Variants in HIVEP1 observed in about 807,000 individuals in gnomAD.
HIVEP1 encodes the protein zinc finger protein 40.
A neutral mutation model predicts 180.0 loss-of-function variants in HIVEP1; 36 were observed. The ratio of observed to expected loss-of-function variants is 0.20; its 90% CI spans 0.15 to 0.26. HIVEP1 has a LOEUF of 0.26. Among genes scored for constraint, HIVEP1 ranks in the 10% least tolerant of loss-of-function variants. The pLI, the probability that HIVEP1 is intolerant of heterozygous loss-of-function variation, is 1.00. For missense variants in HIVEP1, 3,143 were observed against 3,268.7 expected (o/e 0.96, Z 0.94); for synonymous variants, 1,239 against 1,239.0 (o/e 1.00, Z 0.00).
rs372027061 is a variant in HIVEP1 at position 12,123,192 on chromosome 6, A to G, written c.3397A>G (p.Ile1133Val). ...KIELQRHGTG[I>V]SVIQHTNSLS... ...AGAACTGCAGAGACACGGAACTGGA[A>G]TCTCTGTCATCCAGCACACCAACTC... The change falls in exon 4 of 9, where the codon ATC becomes GTC. Residue 1133 changes from isoleucine (I) to valine (V), a missense_variant. By Grantham distance (29) the Ile-to-Val change is conservative. This residue lies in a region of HIVEP1 where 1,357 missense variants were observed against 1,260.5 expected (regional missense o/e 1.08). Coordinates refer to ENST00000379388, the MANE Select transcript of HIVEP1 (RefSeq NM_002114.4). 9 of 1,614,064 alleles carry G rather than the reference A, an allele frequency of 5.6e-6. No homozygotes were observed. The African/African-American group carries it at 1.1e-4, about 19-fold the overall frequency.
chr6:12,122,289 G>C lies in HIVEP1; in HGVS notation c.2494G>C (p.Asp832His). Residue 832 changes from aspartate to histidine, a missense_variant, in exon 4 of 9, where the codon GAC (aspartate) becomes CAC (histidine). Around this residue, in one of 12 missense-constraint regions of HIVEP1, gnomAD observed 204 missense variants for 243.7 expected, o/e 0.84. Coordinates refer to ENST00000379388, the MANE Select transcript of HIVEP1 (RefSeq NM_002114.4). ...GTTTCTTCTGTCTGTACCTTCACTT[G>C]ACTGTTTACCTATCACAAGAAGTAA... ...QVFLLSVPSL[D>H]CLPITRSNSM... 1 of 1,614,186 alleles carries C rather than the reference G, an allele frequency of 6.2e-7. No homozygotes were observed.
At chr6:12,211,134 T>C in the HIVEP1 span, among the ~76,000 whole-genome samples, 3 of 150,758 alleles carry the variant, frequency 2.0e-5, no homozygotes, top group African/African-American at 4.9e-5. Flanking sequence ...GCGCGGTGGC[T>C]CACGCCTGTG....
intron 2 of HIVEP1, chr6:12,020,456 A>G (rs1414765100): frequency 2.1e-6 from 1 of 471,100 alleles, no homozygotes; most frequent in Non-Finnish European, 4.4e-6. Context: ...TCTCCCAGCC[A>G]TCATTCCTTA....
the HIVEP1 span, among the ~76,000 whole-genome samples, chr6:12,195,165 CATT>C: frequency 1.3e-5 from 2 of 152,318 alleles, no homozygotes; most frequent in African/African-American, 4.8e-5. Flanking sequence ...GTCATGAAAT[CATT>C]GATAGGCTTT....
chr6:12,095,291 G>A, intron 3 of HIVEP1, among the ~76,000 whole-genome samples: 1 of 151,278 alleles, frequency 6.6e-6, no homozygotes, highest in East Asian at 1.9e-4. Context: ...TTTTCTTCAG[G>A]TTTGTTCTGT....
At chr6:12,055,238 G>T (rs564215720) in intron 2 of HIVEP1, among the ~76,000 whole-genome samples, 1 of 152,338 alleles carries the variant, frequency 6.6e-6, no homozygotes, top group African/African-American at 2.4e-5. Flanking sequence ...ACTTTGGGAG[G>T]CCAAGGCGGA....
intron 2 of HIVEP1, among the ~76,000 whole-genome samples, chr6:12,028,088 A>C (rs1768702146): frequency 6.6e-6 from 1 of 152,194 alleles, no homozygotes; most frequent in Non-Finnish European, 1.5e-5. Flanking sequence ...TAACCTCTTT[A>C]TTTTGGTCCA....
chr6:12,016,949 T>G (rs546898050), intron 2 of HIVEP1, among the ~76,000 whole-genome samples: 96 of 152,294 alleles, frequency 6.3e-4, no homozygotes, highest in Non-Finnish European at 1.1e-3. Context: ...CCTGTTCTAG[T>G]TTGCACAAGT....
chr6:12,076,427 G>A (rs1439124888), intron 2 of HIVEP1, among the ~76,000 whole-genome samples: 5 of 152,168 alleles, frequency 3.3e-5, no homozygotes, highest in African/African-American at 1.2e-4. Context: ...TGTGCTTGCT[G>A]TAACAAAACA....
the HIVEP1 span, among the ~76,000 whole-genome samples, chr6:12,192,978 G>A: frequency 1.3e-5 from 2 of 151,938 alleles, no homozygotes; most frequent in African/African-American, 4.8e-5. Context: ...TAGAAGCTGT[G>A]TGACTAGAAG....
downstream of HIVEP1, among the ~76,000 whole-genome samples, chr6:12,167,581 C>CGTTATATTACATGTATATATACAT (rs1760738163): frequency 6.2e-5 from 4 of 64,886 alleles, no homozygotes; most frequent in Middle Eastern, 0.017. Flanking sequence ...GTTATATATA[C>CGTTATATTACATGTATATATACAT]GTTATATTAC....
chr6:12,055,673 T>G (rs1770822342), intron 2 of HIVEP1, among the ~76,000 whole-genome samples: 3 of 152,180 alleles, frequency 2.0e-5, no homozygotes, highest in Non-Finnish European at 2.9e-5. Flanking sequence ...ATTTCTGAGC[T>G]GGAATTTTTT....
chr6:12,168,105 A>ACACATG, downstream of HIVEP1, among the ~76,000 whole-genome samples: 1 of 29,844 alleles, frequency 3.4e-5, no homozygotes, highest in Non-Finnish European at 9.1e-5. Flanking sequence ...ATACACGTAT[A>ACACATG]TATGTATATT....
At position 12,164,266 on chromosome 6, in the gene HIVEP1, G is replaced by A. The variant is rs892861840; in HGVS notation, c.7962G>A (p.Gln2654=). Residue 2654 remains glutamine (Q), a synonymous_variant, in exon 9 of 9, where the codon CAG becomes CAA. Transcript: ENST00000379388. The stretch of plus-strand genomic sequence containing the variant: ...CCAAGCCTGAACTCACTTCCATACA[G>A]GGCCAACCAGCGTCCACGTCACAAC... ...VKPKPELTSI[Q]GQPASTSQPL... 6.2e-7 allele frequency: 1 copy of A among 1,614,048 alleles called. No homozygotes were observed. The highest frequency in any genetic ancestry group is 8.5e-7 in the Non-Finnish European group (1 of 1,180,022).
At chr6:12,092,854 G>A (rs756504407) in intron 3 of HIVEP1, among the ~76,000 whole-genome samples, 15 of 152,146 alleles carry the variant, frequency 9.9e-5, no homozygotes, top group Admixed American at 4.6e-4. Context: ...ACCAGAAGAG[G>A]TTCAGAGAGC....
chr6:12,066,690 G>A (rs1771611462), intron 2 of HIVEP1, among the ~76,000 whole-genome samples: 1 of 152,136 alleles, frequency 6.6e-6, no homozygotes, highest in Non-Finnish European at 1.5e-5. Flanking sequence ...GGAATTTTGT[G>A]CATTATAAAT....
chr6:12,050,139 G>A (rs1007954910), intron 2 of HIVEP1, among the ~76,000 whole-genome samples: 1 of 152,064 alleles, frequency 6.6e-6, no homozygotes, highest in East Asian at 1.9e-4. Context: ...CACCTACTCC[G>A]CCAGCCCAGT....
chr6:12,161,169 T>C lies in HIVEP1; in HGVS notation c.6488-270T>C, dbSNP rs1760370953. ...TCATTTCCTTGTTTCTTGATTACCC[T>C]CCACCTGCCTCATTCCCCTTCTGAG... On this transcript the variant is annotated intron_variant, in intron 7 of 8. Coordinates refer to ENST00000379388, the MANE Select transcript of HIVEP1 (RefSeq NM_002114.4). Among the ~76,000 whole-genome samples the C allele has an allele frequency of 1.3e-5, 2 of 152,166 alleles. 1 individual carries two copies. Among genetic ancestry groups the C allele is most frequent in the Non-Finnish European group, 2.9e-5 (2 of 68,026 alleles).
the HIVEP1 span, among the ~76,000 whole-genome samples, chr6:12,203,755 G>A: frequency 2.0e-5 from 3 of 152,142 alleles, no homozygotes; most frequent in South Asian, 2.1e-4. Flanking sequence ...GAAGTTTCAC[G>A]TGGATCTTGG....
Sources: allele counts gnomAD v4.1 joint callset (sites outside exome capture counted in the v4.1 genomes callset), GRCh38; gene constraint gnomAD v4.1.1; regional missense constraint gnomAD v4.1.1; transcripts MANE v1.5; gene names NCBI Gene and HGNC (gene_info 2026-07-23, HGNC 2026-07-21).